HDGFL2: variants seen among roughly 807,000 people sequenced by gnomAD.
The protein encoded by HDGFL2 is HDGF like 2, also known as hepatoma-derived growth factor-related protein 2.
Under a neutral mutation model 77.1 loss-of-function variants are expected in HDGFL2, and 36 were observed. The observed-to-expected ratio is 0.47, with a 90% CI of 0.36 to 0.62. The LOEUF (loss-of-function observed/expected upper bound fraction) is 0.62. Among genes scored for constraint, HDGFL2 ranks in the 20% least tolerant of loss-of-function variants. HDGFL2 has a pLI of 0.00. For synonymous variants in HDGFL2, 463 were observed against 413.1 expected (o/e 1.12, Z -1.46); for missense variants, 976 against 973.4 (o/e 1.00, Z -0.04).
chr19:4,476,137 G>A (rs866109782), intron 3 of HDGFL2, among the ~76,000 whole-genome samples: 8 of 146,662 alleles, frequency 5.5e-5, no homozygotes, highest in Non-Finnish European at 8.9e-5. Context: ...TGATCCACCC[G>A]CCTCAGCCTC....
At chr19:4,487,367 C>T (rs1975389800) in intron 3 of HDGFL2, among the ~76,000 whole-genome samples, 1 of 152,146 alleles carries the variant, frequency 6.6e-6, no homozygotes, top group Non-Finnish European at 1.5e-5. Flanking sequence ...AGCGATCCTC[C>T]TGCCTCAGCC....
chr19:4,492,797 CTGGTCTGTGTGTTATGTG>C (rs1212796058), intron 6 of HDGFL2, among the ~76,000 whole-genome samples: 1 of 113,872 alleles, frequency 8.8e-6, no homozygotes, highest in East Asian at 2.3e-4. Flanking sequence ...GTGTGTGTTT[CTGGTCTGTGTGTTATGTG>C]TGGTCTGTGT....
chr19:4,472,462 G>A, intron 1 of HDGFL2, 40 bp downstream of exon 1: 2 of 395,052 alleles, frequency 5.1e-6, no homozygotes, highest in Non-Finnish European at 8.9e-6. Context: ...GGGGGGGGGG[G>A]GGGGGCAGCG....
intron 6 of HDGFL2, among the ~76,000 whole-genome samples, chr19:4,492,160 C>T (rs1975532341): frequency 6.6e-6 from 1 of 152,046 alleles, no homozygotes; most frequent in Admixed American, 6.6e-5. Flanking sequence ...GAGGTGTGTG[C>T]CAGTGTGTAT....
chr19:4,482,864 C>T (rs538893138), intron 3 of HDGFL2, among the ~76,000 whole-genome samples: 34 of 152,138 alleles, frequency 2.2e-4, no homozygotes, highest in Non-Finnish European at 4.4e-4. Flanking sequence ...TCGTGGCACT[C>T]ACCAGCTCCT....
At chr19:4,495,600 G>A (rs1004911303) in intron 9 of HDGFL2, among the ~76,000 whole-genome samples, 1 of 151,644 alleles carries the variant, frequency 6.6e-6, no homozygotes, top group East Asian at 1.9e-4. Context: ...GGAACGGACA[G>A]AGCAGGCCGG....
At chr19:4,477,553 A>G (rs1198969699) in intron 3 of HDGFL2, among the ~76,000 whole-genome samples, 1 of 152,156 alleles carries the variant, frequency 6.6e-6, no homozygotes, top group Non-Finnish European at 1.5e-5. Flanking sequence ...GCCCCAGGTC[A>G]AGTTCTCTTT....
intron 15 of HDGFL2, chr19:4,501,616 C>T (rs891901344): frequency 2.8e-5 from 13 of 465,982 alleles, no homozygotes; most frequent in African/African-American, 4.0e-5. Flanking sequence ...CACGGGCACC[C>T]GGCTATCTGA....
intron 6 of HDGFL2, 48 bp downstream of exon 6, chr19:4,491,883 C>A (rs1420814572): frequency 6.6e-7 from 1 of 1,526,268 alleles, no homozygotes; most frequent in Non-Finnish European, 9.1e-7. Flanking sequence ...TGGGGCACCT[C>A]TGCGGTCTCC....
Position 4,502,030 on chromosome 19 carries a change from A to C in HDGFL2, c.*20A>C, listed in dbSNP as rs1432338883. 1.3e-6 allele frequency: 2 copies of C among 1,510,522 alleles called. No homozygotes were observed. The highest frequency in any genetic ancestry group is 2.5e-5 in the East Asian group (1 of 40,692). 93.6% of individuals were successfully genotyped at this position (1,510,522 alleles called of 1,614,324 possible). A position where few individuals can be genotyped will look rare whatever the true frequency, so the allele number is the denominator to read the frequency against. ...AGCTGAGCCGCGGGCAGCCAGGCCC[A>C]GCCCCCGCCCGAGCTCAGGCTGCCC... On this transcript the variant is annotated 3_prime_UTR_variant, in exon 16 of 16. Coordinates refer to ENST00000616600, the MANE Select transcript of HDGFL2 (RefSeq NM_001001520.3).
At chr19:4,501,467 C>G in intron 15 of HDGFL2, 150 bp downstream of exon 15, 1 of 917,188 alleles carries the variant, frequency 1.1e-6, no homozygotes, top group East Asian at 3.2e-5. Context: ...CACAGCTGAC[C>G]CCAGGGCCCC....
At chr19:4,496,814 G>C (rs934615867) in intron 10 of HDGFL2, 4 of 383,178 alleles carry the variant, frequency 1.0e-5, no homozygotes, top group African/African-American at 8.5e-5. Context: ...CCCGGCCTAG[G>C]GGTTTGCATC....
chr19:4,476,283 T>G (rs2099432009), intron 3 of HDGFL2, among the ~76,000 whole-genome samples: 2 of 141,160 alleles, frequency 1.4e-5, no homozygotes, highest in Non-Finnish European at 3.0e-5. Context: ...AACCTCTGCC[T>G]CCGGGTCCAA....
intron 3 of HDGFL2, among the ~76,000 whole-genome samples, chr19:4,477,012 G>A (rs1975090379): frequency 6.6e-6 from 1 of 152,158 alleles, no homozygotes; most frequent in South Asian, 2.1e-4. Context: ...GCACATCCGA[G>A]GTGGTCTGAG....
In HDGFL2 at chr19:4,498,384, C is replaced by T; in HGVS notation, c.1473+8C>T. The T allele has an allele frequency of 6.2e-7, 1 of 1,609,550 alleles. No individual in the cohort carries two copies. Among genetic ancestry groups the T allele is most frequent in the Non-Finnish European group, 8.5e-7 (1 of 1,176,346 alleles). ...CTAAAGGTCGACAGCCCGGTAAGAC[C>T]CTCAGGGCCTGTGAGCCAAGCAGTC... On this transcript the variant is annotated splice_region_variant and intron_variant, in intron 12 of 15. Transcript: ENST00000616600.
At chr19:4,484,695 G>A (rs1233832050) in intron 3 of HDGFL2, among the ~76,000 whole-genome samples, 1 of 23,086 alleles carries the variant, frequency 4.3e-5, no homozygotes, top group East Asian at 6.7e-4. Flanking sequence ...TTTTTGACAC[G>A]GAGTCTTGCT....
At chr19:4,487,775 C>T (rs1319763958) in intron 3 of HDGFL2, among the ~76,000 whole-genome samples, 3 of 152,094 alleles carry the variant, frequency 2.0e-5, no homozygotes, top group Admixed American at 6.6e-5. Context: ...GTGTGTGACC[C>T]GGTCACGTGC....
In HDGFL2 at chr19:4,494,354, G is replaced by C; in HGVS notation, c.1103G>C (p.Gly368Ala). 7.1e-7 allele frequency: 1 copy of C among 1,406,820 alleles called. No homozygotes were observed. Among genetic ancestry groups the C allele is most frequent in the African/African-American group, 1.5e-5 (1 of 65,608 alleles). 87.1% of individuals were successfully genotyped at this position (1,406,820 alleles called of 1,614,324 possible). The change falls in exon 9 of 16, where the codon GGC becomes GCC. Residue 368 changes from glycine to alanine, a missense_variant. Physicochemically the swap from Gly to Ala is moderately conservative, Grantham distance 60. Transcript: ENST00000616600. ...DRGEAERGSG[G>A]SSGDELREDD... ...GGGGAGGCTGAGCGGGGCAGCGGCG[G>C]CAGCAGCGGGGACGAGCTCAGGGAG...
At chr19:4,498,069 C>G (rs779245063) in intron 11 of HDGFL2, 38 bp downstream of exon 11, 2 of 1,519,042 alleles carry the variant, frequency 1.3e-6, no homozygotes, top group Non-Finnish European at 1.8e-6. Flanking sequence ...ACACTGAGTT[C>G]ACTGAGGGGA....
Sources: allele counts gnomAD v4.1 joint callset (sites outside exome capture counted in the v4.1 genomes callset), GRCh38; gene constraint gnomAD v4.1.1; transcripts MANE v1.5; gene names NCBI Gene and HGNC (gene_info 2026-07-23, HGNC 2026-07-21).